The following MAPK10 variants were observed in gnomAD, a reference collection of about 807,000 sequenced individuals.
MAPK10 encodes JNK3 alpha protein kinase.
MAPK10 carries 25 observed loss-of-function variants against 59.3 expected under a neutral mutation model. The ratio of observed to expected loss-of-function variants is 0.42; its 90% CI spans 0.31 to 0.59. The LOEUF (loss-of-function observed/expected upper bound fraction) is 0.59. Ranked by LOEUF, MAPK10 falls within the 20% of genes least tolerant of loss-of-function variation. The probability of loss-of-function intolerance (pLI) is 0.15; values close to 1 mark genes in which losing one functional copy is unlikely to be tolerated. For missense variants in MAPK10, 351 were observed against 568.9 expected (o/e 0.62, Z 3.90); for synonymous variants, 190 against 200.5 (o/e 0.95, Z 0.44).
intron 1 of MAPK10, among the ~76,000 whole-genome samples, chr4:86,385,675 A>C (rs957367594): frequency 6.6e-6 from 1 of 152,218 alleles, no homozygotes; most frequent in Non-Finnish European, 1.5e-5. Flanking sequence ...GTAAAAATCC[A>C]CACAGAATGA....
At chr4:86,465,303 G>T (rs1299059497) in intron 1 of MAPK10, among the ~76,000 whole-genome samples, 1 of 152,114 alleles carries the variant, frequency 6.6e-6, no homozygotes, top group African/African-American at 2.4e-5. Context: ...AACAGATAAT[G>T]CCCCAGACTA....
At chr4:86,317,757 T>G (rs2095817546) in intron 2 of MAPK10, among the ~76,000 whole-genome samples, 1 of 152,244 alleles carries the variant, frequency 6.6e-6, no homozygotes, top group Non-Finnish European at 1.5e-5. Context: ...GCTATACTAT[T>G]TTAGCATCTC....
chr4:86,211,813 T>A (rs2085892018), intron 2 of MAPK10, among the ~76,000 whole-genome samples: 2 of 152,070 alleles, frequency 1.3e-5, no homozygotes, highest in African/African-American at 2.4e-5. Flanking sequence ...ATAAAGGGAT[T>A]AAGGACAAAG....
At chr4:86,414,344 G>T (rs1745589721) in intron 1 of MAPK10, among the ~76,000 whole-genome samples, 1 of 152,008 alleles carries the variant, frequency 6.6e-6, no homozygotes, top group South Asian at 2.1e-4. Context: ...ATTGCATTTC[G>T]CCCTTTGAGC....
intron 2 of MAPK10, among the ~76,000 whole-genome samples, chr4:86,235,630 A>T (rs182970884): frequency 3.3e-4 from 50 of 152,294 alleles, no homozygotes; most frequent in African/African-American, 1.1e-3. Context: ...CAAGCATTGT[A>T]CTGCTAATGT....
chr4:86,283,633 A>G (rs549556683), intron 2 of MAPK10, among the ~76,000 whole-genome samples: 137 of 152,202 alleles, frequency 9.0e-4, no homozygotes, highest in Non-Finnish European at 1.7e-3. Context: ...GAACACTTTC[A>G]GTGTTCCAGG....
intron 1 of MAPK10, among the ~76,000 whole-genome samples, chr4:86,467,711 G>A (rs1309486842): frequency 2.0e-5 from 3 of 152,102 alleles, no homozygotes; most frequent in Non-Finnish European, 4.4e-5. Flanking sequence ...ATAGAGACAG[G>A]GTTTCACCAC....
rs750008278 is a variant in MAPK10 at position 86,248,928 on chromosome 4, T to C, written c.-6-54521A>G. Among the ~76,000 whole-genome samples the C allele has an allele frequency of 2.6e-5, 4 of 152,222 alleles. 1 individual carries two copies. Among genetic ancestry groups the C allele is most frequent in the Admixed American group, 1.3e-4 (2 of 15,264 alleles). On this transcript the variant is annotated intron_variant, in intron 2 of 13. Transcript: ENST00000641462. ...ATCAATAAAGGCACTATTGGAAATC[T>C]AAGTTCTGAACAAATTCAGAAAGAC... is the stretch of plus-strand genomic sequence containing the variant.
intron 13 of MAPK10, chr4:86,028,918 T>C (rs1578778268): frequency 4.6e-6 from 2 of 433,542 alleles, no homozygotes; most frequent in East Asian, 1.0e-4. Context: ...TGAGGCACAT[T>C]TACCCTTTAG....
intron 2 of MAPK10, among the ~76,000 whole-genome samples, chr4:86,305,683 G>A (rs566987584): frequency 6.6e-6 from 1 of 152,100 alleles, no homozygotes; most frequent in East Asian, 1.9e-4. Flanking sequence ...GCCAAGCATG[G>A]TGGCCAGTGC....
chr4:86,128,603 A>G (rs1164504312), intron 4 of MAPK10, among the ~76,000 whole-genome samples: 2 of 152,254 alleles, frequency 1.3e-5, no homozygotes, highest in South Asian at 2.1e-4. Context: ...TCTTTTCTTT[A>G]TAAGTTACCA....
Position 86,532,839 on chromosome 4 carries a change from A to T in MAPK10, c.-263+61071T>A, listed in dbSNP as rs559886201. ...CAGTCCAGTATCCCAGCCTCACACC[A>T]GTGGCCTCTGCCTTGTGGCTTGGTC... On this transcript the variant is annotated intron_variant, in intron 1 of 4. Transcript: ENST00000502302. Among the ~76,000 whole-genome samples, 9 of 152,294 alleles carry T rather than the reference A, an allele frequency of 5.9e-5. No homozygotes were observed. The East Asian group carries it at 1.7e-3, about 29-fold the overall frequency.
At chr4:86,248,328 C>G (rs1357357135) in intron 2 of MAPK10, among the ~76,000 whole-genome samples, 1 of 152,080 alleles carries the variant, frequency 6.6e-6, no homozygotes, top group Non-Finnish European at 1.5e-5. Flanking sequence ...TTTTGTAAAG[C>G]CAGCTCACAA....
At chr4:86,225,115 G>C (rs2090382546) in intron 2 of MAPK10, among the ~76,000 whole-genome samples, 1 of 152,242 alleles carries the variant, frequency 6.6e-6, no homozygotes, top group East Asian at 1.9e-4. Flanking sequence ...GTGCAGAAAA[G>C]AGTTAACAGC....
At chr4:86,236,386 C>T (rs2148674720) in intron 2 of MAPK10, among the ~76,000 whole-genome samples, 1 of 152,208 alleles carries the variant, frequency 6.6e-6, no homozygotes, top group South Asian at 2.1e-4. Flanking sequence ...TAGATGTTAG[C>T]TAACTGGACA....
chr4:86,430,890 T>G (rs1173532442), intron 1 of MAPK10, among the ~76,000 whole-genome samples: 1 of 152,176 alleles, frequency 6.6e-6, no homozygotes, highest in Non-Finnish European at 1.5e-5. Flanking sequence ...GAAAAACCAT[T>G]GAAATATTTG....
At chr4:86,477,917 A>G (rs578201137) in intron 1 of MAPK10, among the ~76,000 whole-genome samples, 1 of 152,302 alleles carries the variant, frequency 6.6e-6, no homozygotes, top group South Asian at 2.1e-4. Flanking sequence ...GACACCCATC[A>G]GGCTCAGCAA....
chr4:86,297,743 T>C (rs1331552403), intron 2 of MAPK10, among the ~76,000 whole-genome samples: 1 of 95,284 alleles, frequency 1.0e-5, no homozygotes, highest in Non-Finnish European at 2.6e-5. Flanking sequence ...TTCTTATCTC[T>C]ACTCTTTACT....
chr4:86,458,786 T>G (rs187717237), intron 1 of MAPK10, among the ~76,000 whole-genome samples: 1 of 152,354 alleles, frequency 6.6e-6, no homozygotes, highest in Admixed American at 6.5e-5. Context: ...ATCAAGGACT[T>G]AAATCCAAGA....
Sources: allele counts gnomAD v4.1 joint callset (sites outside exome capture counted in the v4.1 genomes callset), GRCh38; gene constraint gnomAD v4.1.1; transcripts MANE v1.5; gene names NCBI Gene and HGNC (gene_info 2026-07-23, HGNC 2026-07-21).